PAX3: variants seen among roughly 807,000 people sequenced by gnomAD.
The protein encoded by PAX3 is paired box protein Pax-3.
PAX3 carries 14 observed loss-of-function variants against 51.6 expected under a neutral mutation model. That is an observed-to-expected ratio of 0.27 (90% CI 0.18 to 0.42). PAX3 has a LOEUF of 0.42. Ranked by LOEUF, PAX3 falls within the 10% of genes least tolerant of loss-of-function variation. The pLI, the probability that PAX3 is intolerant of heterozygous loss-of-function variation, is 1.00. For synonymous variants in PAX3, 280 were observed against 253.4 expected (o/e 1.11, Z -1.00); for missense variants, 540 against 642.8 (o/e 0.84, Z 1.73).
At chr2:222,268,980 T>G (rs1252592066) in intron 4 of PAX3, among the ~76,000 whole-genome samples, 1 of 152,198 alleles carries the variant, frequency 6.6e-6, no homozygotes, top group Non-Finnish European at 1.5e-5. Flanking sequence ...TTATCACCTT[T>G]TCTGGGCAGT....
At chr2:222,294,115 G>A (rs201251689) in intron 4 of PAX3, 52 bp downstream of exon 4, 1 of 1,612,082 alleles carries the variant, frequency 6.2e-7, no homozygotes, top group Admixed American at 1.7e-5. Flanking sequence ...TCAGCTAGCC[G>A]ATGCCCTCCA....
At chr2:222,280,603 A>G (rs1324975602) in intron 4 of PAX3, among the ~76,000 whole-genome samples, 1 of 152,142 alleles carries the variant, frequency 6.6e-6, no homozygotes, top group Non-Finnish European at 1.5e-5. Context: ...AGCCTCTTAC[A>G]AAAGCAAGAT....
intron 4 of PAX3, among the ~76,000 whole-genome samples, chr2:222,255,125 A>ATT: frequency 6.6e-6 from 1 of 152,220 alleles, no homozygotes; most frequent in South Asian, 2.1e-4. Context: ...GGCAAGTTGC[A>ATT]GCATTAATAC....
At chr2:222,243,157 A>T (rs568360279) in intron 4 of PAX3, among the ~76,000 whole-genome samples, 6 of 151,778 alleles carry the variant, frequency 4.0e-5, no homozygotes, top group South Asian at 2.1e-4. Context: ...TTTGGAAAAT[A>T]AAAAAAAGGC....
At chr2:222,292,492 T>C (rs538100390) in intron 4 of PAX3, among the ~76,000 whole-genome samples, 1 of 152,214 alleles carries the variant, frequency 6.6e-6, no homozygotes, top group Non-Finnish European at 1.5e-5. Context: ...TTTGGGACGT[T>C]TTGTCTCCTG....
chr2:222,222,896 A>G (rs1692252634), intron 5 of PAX3, among the ~76,000 whole-genome samples: 2 of 152,170 alleles, frequency 1.3e-5, no homozygotes, highest in African/African-American at 2.4e-5. Flanking sequence ...GGAAGCAAAA[A>G]GTTTCAGCTC....
Position 222,298,188 on chromosome 2 carries a change from A to G in PAX3, c.85+343T>C, listed in dbSNP as rs533746911. ...GGGACAATTTCGAGACAACTTCGAG[A>G]CAATTTCGAATGGACAAATTGCGGA... is the stretch of plus-strand genomic sequence containing the variant. On this transcript the variant is annotated intron_variant, in intron 1 of 8. Coordinates refer to ENST00000392070, the MANE Select transcript of PAX3 (RefSeq NM_181458.4). The G allele has an allele frequency of 2.0e-4, 71 of 354,658 alleles. 1 individual carries two copies. The highest frequency in any genetic ancestry group is 1.4e-3 in the African/African-American group (66 of 48,284). The allele number at this position is 354,658 out of a possible 1,614,324, so 22.0% of individuals were successfully genotyped here.
intron 7 of PAX3, among the ~76,000 whole-genome samples, chr2:222,212,423 G>A (rs1296949927): frequency 1.3e-5 from 2 of 152,118 alleles, no homozygotes; most frequent in African/African-American, 4.8e-5. Flanking sequence ...TCTGCAAAAT[G>A]TACTGTCCCC....
At chr2:222,257,071 A>G (rs1430664) in intron 4 of PAX3, among the ~76,000 whole-genome samples, 113,614 of 152,148 alleles carry the variant, frequency 0.75, 43,155 homozygotes, top group East Asian at 0.98. Flanking sequence ...TATGGTAAGG[A>G]AAAATAGTAG....
intron 4 of PAX3, among the ~76,000 whole-genome samples, chr2:222,289,794 G>T (rs1483852562): frequency 6.6e-6 from 1 of 152,154 alleles, no homozygotes; most frequent in Non-Finnish European, 1.5e-5. Flanking sequence ...ACACGGCGTG[G>T]TGTTCTAATA....
chr2:222,232,000 C>A (rs1692614616), intron 5 of PAX3, 78 bp downstream of exon 5: 1 of 1,333,526 alleles, frequency 7.5e-7, no homozygotes, highest in Non-Finnish European at 1.1e-6. Flanking sequence ...GGGGGATTGA[C>A]ATATGTTTTA....
At chr2:222,257,412 C>T (rs978182339) in intron 4 of PAX3, among the ~76,000 whole-genome samples, 1 of 152,112 alleles carries the variant, frequency 6.6e-6, no homozygotes, top group African/African-American at 2.4e-5. Flanking sequence ...TATTTTTCTA[C>T]CCCAGCAGCT....
intron 4 of PAX3, among the ~76,000 whole-genome samples, chr2:222,265,510 G>A (rs1406992435): frequency 1.3e-5 from 2 of 151,894 alleles, no homozygotes; most frequent in Admixed American, 6.6e-5. Flanking sequence ...AAAAATAGCC[G>A]GGCGTGGTGG....
chr2:222,244,407 G>A (rs1199956665), intron 4 of PAX3, among the ~76,000 whole-genome samples: 1 of 152,122 alleles, frequency 6.6e-6, no homozygotes, highest in Admixed American at 6.6e-5. Flanking sequence ...CAGCAAAGTA[G>A]GGTTTAAAAC....
At chr2:222,254,138 C>T (rs1300152794) in intron 4 of PAX3, among the ~76,000 whole-genome samples, 4 of 151,904 alleles carry the variant, frequency 2.6e-5, no homozygotes, top group African/African-American at 7.3e-5. Flanking sequence ...CCAGGAAATG[C>T]CTATTGCAAA....
At chr2:222,202,971 T>C (rs1691357428) in intron 7 of PAX3, among the ~76,000 whole-genome samples, 1 of 138,536 alleles carries the variant, frequency 7.2e-6, no homozygotes, top group Admixed American at 7.6e-5. Context: ...AGTAAAAGCC[T>C]CCATTACCTA....
intron 4 of PAX3, among the ~76,000 whole-genome samples, chr2:222,260,938 C>T (rs1693840715): frequency 6.6e-6 from 1 of 152,146 alleles, no homozygotes; most frequent in South Asian, 2.1e-4. Flanking sequence ...GAATAATCAC[C>T]TAGAGTCACT....
At chr2:222,277,850 C>T (rs181497493) in intron 4 of PAX3, among the ~76,000 whole-genome samples, 6,073 of 149,820 alleles carry the variant, frequency 0.041, 156 homozygotes, top group Middle Eastern at 0.099. Flanking sequence ...AGGAGAATCG[C>T]TTGAACCCAG....
intron 4 of PAX3, among the ~76,000 whole-genome samples, chr2:222,271,009 GA>G (rs1574724578): frequency 6.6e-6 from 1 of 152,170 alleles, no homozygotes; most frequent in African/African-American, 2.4e-5. Flanking sequence ...AGTACAAAAG[GA>G]ATCAACAGAT....
Sources: allele counts gnomAD v4.1 joint callset (sites outside exome capture counted in the v4.1 genomes callset), GRCh38; gene constraint gnomAD v4.1.1; transcripts MANE v1.5; gene names NCBI Gene and HGNC (gene_info 2026-07-23, HGNC 2026-07-21).